UBR2: variants seen among roughly 807,000 people sequenced by gnomAD.
UBR2 encodes E3 ubiquitin-protein ligase UBR2.
UBR2 carries 92 observed loss-of-function variants against 247.9 expected under a neutral mutation model. The ratio of observed to expected loss-of-function variants is 0.37; its 90% CI spans 0.31 to 0.44. The LOEUF (loss-of-function observed/expected upper bound fraction) is 0.44. Among genes scored for constraint, UBR2 ranks in the 20% least tolerant of loss-of-function variants. The pLI, the probability that UBR2 is intolerant of heterozygous loss-of-function variation, is 1.00. For synonymous variants in UBR2, 672 were observed against 693.5 expected, an observed-to-expected ratio of 0.97 and a Z score of 0.49; for missense variants, 1,613 against 2,112.6, an observed-to-expected ratio of 0.76 and a Z score of 4.64.
At chr6:42,626,192 G>C (rs556020932) in intron 11 of UBR2, among the ~76,000 whole-genome samples, 1 of 151,684 alleles carries the variant, frequency 6.6e-6, no homozygotes, top group South Asian at 2.1e-4. Flanking sequence ...CCATTCTTGC[G>C]TAGTTTCTTT....
Position 42,659,728 on chromosome 6 carries a change from C to T in UBR2, c.3315C>T (p.Phe1105=), listed in dbSNP as rs115798367. The T allele has an allele frequency of 5.9e-3, 9,476 of 1,614,036 alleles. 40 individuals are homozygous for T. Among genetic ancestry groups the T allele is most frequent in the South Asian group, 0.013 (1,211 of 91,070 alleles). ...AQTQVPEQRQ[F]VTCILCQEEQ... ...CTCAGGTTCCTGAACAAAGACAATT[C>T]GTTACATGTATATTGTGTCAAGAGG... Residue 1105 remains phenylalanine, a synonymous_variant, in exon 30 of 47, where the codon TTC becomes TTT. Transcript: ENST00000372901. The surrounding 1 kb of genome is among the most constrained non-coding windows in gnomAD (Gnocchi z 4.3).
In UBR2 at chr6:42,670,075, A is replaced by G; in HGVS notation, c.3882-17A>G. The G allele has an allele frequency of 6.2e-7, 1 of 1,612,770 alleles. No homozygotes were observed. ...GTGCACATTGTTCTGAGCTAATTTTATACATGTTTACTTCAGGATCCCTTA... is the reference window on the plus strand; with the variant it reads ...GTGCACATTGTTCTGAGCTAATTTTGTACATGTTTACTTCAGGATCCCTTA... On this transcript the variant is annotated splice_polypyrimidine_tract_variant and intron_variant, in intron 34 of 46. Coordinates refer to ENST00000372901, the MANE Select transcript of UBR2 (RefSeq NM_001363705.2).
rs1790640438 is a variant in UBR2 at position 42,564,222 on chromosome 6, G to C, written c.-98G>C. Reference sequence around the variant, plus strand: ...CAGCCACTTGGACGGCTCCGGGACTGATTGCCTGGGGCAGGGGTGGCAGTC... The same window carrying C: ...CAGCCACTTGGACGGCTCCGGGACTCATTGCCTGGGGCAGGGGTGGCAGTC... On this transcript the variant is annotated 5_prime_UTR_variant, in exon 1 of 47. Coordinates refer to ENST00000372901, the MANE Select transcript of UBR2 (RefSeq NM_001363705.2). The C allele has an allele frequency of 8.5e-6, 12 of 1,403,958 alleles. No homozygotes were observed. Among genetic ancestry groups the C allele is most frequent in the Non-Finnish European group, 6.9e-6 (7 of 1,019,452 alleles). The allele number at this position is 1,403,958 out of a possible 1,614,324, so 87.0% of individuals were successfully genotyped here. A position where few individuals can be genotyped will look rare whatever the true frequency, so the allele number is the denominator to read the frequency against.
At chr6:42,580,988 T>G (rs1791852575) in intron 2 of UBR2, among the ~76,000 whole-genome samples, 1 of 150,154 alleles carries the variant, frequency 6.7e-6, no homozygotes, top group South Asian at 2.1e-4. Flanking sequence ...TTAGATTACC[T>G]TGGGTGGTTC....
intron 26 of UBR2, among the ~76,000 whole-genome samples, chr6:42,656,933 C>T (rs1797469402): frequency 1.3e-5 from 2 of 152,044 alleles, no homozygotes; most frequent in African/African-American, 4.8e-5. Flanking sequence ...TCACTCATCA[C>T]TATAAAATAT....
chr6:42,678,670 G>C lies in UBR2; in HGVS notation c.4609+1G>C. The C allele has an allele frequency of 6.2e-7, 1 of 1,608,912 alleles. No individual in the cohort carries two copies. On this transcript the variant is annotated splice_donor_variant, in intron 41 of 46. Transcript: ENST00000372901. LOFTEE classifies it high-confidence loss of function. ...GTTCCTTCCCCACCCGACATTCAAG[G>C]TAATTTATACTTTCTTTCAAAACGT...
At chr6:42,598,694 A>G (rs9367156) in intron 4 of UBR2, among the ~76,000 whole-genome samples, 152,300 of 152,316 alleles carry the variant, frequency 1, 76,142 homozygotes, top group Middle Eastern at 1. Context: ...TTAGGTCTCT[A>G]TATTAAGAAA....
chr6:42,656,452 A>G (rs775949231), intron 26 of UBR2, among the ~76,000 whole-genome samples: 1 of 152,110 alleles, frequency 6.6e-6, no homozygotes, highest in Non-Finnish European at 1.5e-5. Context: ...ACCCAGCCCC[A>G]TTTGTATTTG....
At chr6:42,593,066 C>G (rs184747618) in intron 3 of UBR2, among the ~76,000 whole-genome samples, 1 of 151,954 alleles carries the variant, frequency 6.6e-6, no homozygotes, top group Non-Finnish European at 1.5e-5. Flanking sequence ...CCCAGCTGCT[C>G]GGGAGGCTGA....
At chr6:42,574,050 T>A (rs1435105694) in intron 2 of UBR2, 57 bp downstream of exon 2, 1 of 1,451,242 alleles carries the variant, frequency 6.9e-7, no homozygotes, top group African/African-American at 1.4e-5. Context: ...CCTCTTTTTT[T>A]CCCTGGAACT....
At position 42,663,333 on chromosome 6, in the gene UBR2, A is replaced by G; in HGVS notation, c.3612A>G (p.Glu1204=). The G allele has an allele frequency of 6.2e-7, 1 of 1,614,016 alleles. No homozygotes were observed. The highest frequency in any genetic ancestry group is 1.1e-5 in the South Asian group (1 of 91,058). The change falls in exon 32 of 47, where the codon GAA becomes GAG. Residue 1204 remains glutamate, a synonymous_variant. Coordinates refer to ENST00000372901, the MANE Select transcript of UBR2 (RefSeq NM_001363705.2). ...GCTTACATACGAGCTATGATGTAGA[A>G]AACGGAGAATTCCTTTGCCCCCTTT... The part of the protein sequence containing the change: ...RLRLHTSYDV[E]NGEFLCPLCE...
rs1798868857 is a variant in UBR2, at chr6:42,678,762, A to C, written c.4609+93A>C. On this transcript the variant is annotated intron_variant, in intron 41 of 46. Coordinates refer to ENST00000372901, the MANE Select transcript of UBR2 (RefSeq NM_001363705.2). ...CACTTGCAAAAATGAAAATTGACTA[A>C]AAGTTCAAAGAATAGCTTATTGACT... 25 of 1,417,436 alleles carry C rather than the reference A, an allele frequency of 1.8e-5. 1 individual carries two copies. In the South Asian group the frequency reaches 3.4e-4, roughly 19 times the overall value. 87.8% of individuals were successfully genotyped at this position (1,417,436 alleles called of 1,614,324 possible).
At chr6:42,630,786 A>G (rs1416320245) in intron 11 of UBR2, among the ~76,000 whole-genome samples, 2 of 151,854 alleles carry the variant, frequency 1.3e-5, no homozygotes, top group Admixed American at 6.6e-5. Flanking sequence ...TGTCTTCTGC[A>G]TTTTTGTTTC....
At chr6:42,581,365 T>G (rs1384358913) in intron 2 of UBR2, among the ~76,000 whole-genome samples, 1 of 152,000 alleles carries the variant, frequency 6.6e-6, no homozygotes, top group Non-Finnish European at 1.5e-5. Flanking sequence ...AATTTTTGTA[T>G]TTTTTAGTAG....
intron 44 of UBR2, among the ~76,000 whole-genome samples, chr6:42,686,823 C>CAGAGGCTGCAATCTCCGCACTTTG (rs1799438968): frequency 6.7e-6 from 1 of 149,438 alleles, no homozygotes; most frequent in Non-Finnish European, 1.5e-5. Context: ...GGCTGCCGGG[C>CAGAGGCTGCAATCTCCGCACTTTG]GGAGGGGCTC....
Position 42,684,825 on chromosome 6 carries a change from C to A in UBR2, c.4807C>A (p.Leu1603Ile), listed in dbSNP as rs759938173. ...AAGAGAATCTAACAAATTAATAAAC[C>A]TTCCAGAGGATTACAGCAGCCTCAT... Reference protein sequence around the residue: ...YPRESNKLINLPEDYSSLINQ... With the variant: ...YPRESNKLINIPEDYSSLINQ... Residue 1603 changes from leucine (L) to isoleucine (I), a missense_variant, in exon 44 of 47, where the codon CTT becomes ATT. Physicochemically the swap from Leu to Ile is conservative, Grantham distance 5 (BLOSUM62 2). This residue lies in a region of UBR2 where 1,524 missense variants were observed against 1,967.3 expected (regional missense o/e 0.77). Coordinates refer to ENST00000372901, the MANE Select transcript of UBR2 (RefSeq NM_001363705.2). The A allele has an allele frequency of 3.1e-6, 5 of 1,610,652 alleles. No individual in the cohort carries two copies. In the East Asian group the frequency reaches 8.9e-5, roughly 29 times the overall value.
At chr6:42,614,403 C>G (rs28531384) in intron 8 of UBR2, among the ~76,000 whole-genome samples, 1 of 62,528 alleles carries the variant, frequency 1.6e-5, no homozygotes, top group African/African-American at 5.6e-5. Flanking sequence ...TACATACATA[C>G]GTATGTATGT....
rs1798344836 is a variant in UBR2, at chr6:42,670,119, A to C, written c.3909A>C (p.Glu1303Asp). ...TCCCTTATTCTGAGAGCATAAAAGA[A>C]ATGCTAACGACATTTGGAACTGCTA... ...PKIPYSESIK[E>D]MLTTFGTATY... The change falls in exon 35 of 47, where the codon GAA becomes GAC. Residue 1303 changes from glutamate to aspartate, a missense_variant. Coordinates refer to ENST00000372901, the MANE Select transcript of UBR2 (RefSeq NM_001363705.2). 2 of 1,614,196 alleles carry C rather than the reference A, an allele frequency of 1.2e-6. No individual in the cohort carries two copies. The highest frequency in any genetic ancestry group is 1.7e-6 in the Non-Finnish European group (2 of 1,180,024).
At chr6:42,650,682 T>C (rs1010872061) in intron 23 of UBR2, among the ~76,000 whole-genome samples, 20 of 152,186 alleles carry the variant, frequency 1.3e-4, no homozygotes, top group Admixed American at 1.1e-3. Flanking sequence ...TTGGAAAATA[T>C]AAAATATAAA....
Sources: gnomAD v4.1 joint callset for allele counts (sites outside exome capture counted in the v4.1 genomes callset) on GRCh38, gnomAD v4.1.1 for gene constraint, gnomAD v4.1.1 regional missense constraint, Gnocchi (gnomAD v3.1) non-coding constraint, MANE v1.5 for transcripts, NCBI Gene and HGNC (gene_info 2026-07-23, HGNC 2026-07-21) for gene names.